Variants in CSMD1 observed in about 807,000 individuals in gnomAD.
CSMD1 encodes the protein CUB and Sushi multiple domains 1, also known as CUB and sushi domain-containing protein 1.
In CSMD1, 213 loss-of-function variants were observed where a neutral mutation model predicts 417.5. That is an observed-to-expected ratio of 0.51 (90% CI 0.46 to 0.57). The LOEUF (loss-of-function observed/expected upper bound fraction) is 0.57, where lower values mean the gene tolerates loss of function less well. CSMD1 is among the 20% of genes least tolerant of loss of function. The pLI, the probability that CSMD1 is intolerant of heterozygous loss-of-function variation, is 0.00. For missense variants in CSMD1, 6,923 were observed against 4,529.7 expected (o/e 1.53, Z -15.17); for synonymous variants, 2,862 against 1,736.8 (o/e 1.65, Z -16.11).
intron 2 of CSMD1, among the ~76,000 whole-genome samples, chr8:4,518,205 A>G (rs1233858665): frequency 1.3e-5 from 2 of 152,168 alleles, no homozygotes; most frequent in African/African-American, 4.8e-5. Flanking sequence ...GGCTGACTCA[A>G]TGCCTCATGT....
At chr8:4,372,844 T>G (rs1584973912) in intron 3 of CSMD1, among the ~76,000 whole-genome samples, 1 of 152,158 alleles carries the variant, frequency 6.6e-6, no homozygotes, top group Non-Finnish European at 1.5e-5. Context: ...CAATTTCCAG[T>G]GCAGAAGACT....
At chr8:3,072,574 G>C (rs62488386) in intron 49 of CSMD1, among the ~76,000 whole-genome samples, 7 of 152,196 alleles carry the variant, frequency 4.6e-5, no homozygotes, top group Non-Finnish European at 7.3e-5. Flanking sequence ...GTGCATGTGT[G>C]CCTGGGTTTC....
intron 5 of CSMD1, among the ~76,000 whole-genome samples, chr8:3,824,352 T>TA (rs1801926365): frequency 6.6e-6 from 1 of 151,954 alleles, no homozygotes; most frequent in Non-Finnish European, 1.5e-5. Flanking sequence ...ATGTGCAAAG[T>TA]TTGTCAAATG....
chr8:4,117,926 T>C (rs1253180134), intron 3 of CSMD1, among the ~76,000 whole-genome samples: 7 of 131,246 alleles, frequency 5.3e-5, no homozygotes, highest in Admixed American at 8.3e-5. Context: ...GAAATTTTCC[T>C]GGAAAAGTCA....
intron 1 of CSMD1, among the ~76,000 whole-genome samples, chr8:4,753,624 C>G (rs532586072): frequency 6.6e-6 from 1 of 152,222 alleles, no homozygotes; most frequent in Non-Finnish European, 1.5e-5. Context: ...AGGCGTCTCA[C>G]TGTTCCGCAG....
intron 1 of CSMD1, among the ~76,000 whole-genome samples, chr8:4,984,940 T>C (rs576915853): frequency 3.2e-4 from 48 of 152,270 alleles, no homozygotes; most frequent in African/African-American, 1.1e-3. Flanking sequence ...GGAAGACCAC[T>C]GGCAAAGTCA....
At chr8:4,540,461 G>C (rs973519748) in intron 2 of CSMD1, among the ~76,000 whole-genome samples, 1 of 152,144 alleles carries the variant, frequency 6.6e-6, no homozygotes, top group Admixed American at 6.5e-5. Context: ...CCAGGACTTA[G>C]GGGAGGCTGA....
intron 33 of CSMD1, among the ~76,000 whole-genome samples, chr8:3,198,087 T>G (rs1307157503): frequency 6.6e-6 from 1 of 152,228 alleles, no homozygotes; most frequent in Non-Finnish European, 1.5e-5. Context: ...TACTTTTCCG[T>G]ATCTTTGACA....
chr8:3,552,590 G>C (rs950796774), intron 10 of CSMD1, among the ~76,000 whole-genome samples: 3 of 152,090 alleles, frequency 2.0e-5, no homozygotes, highest in African/African-American at 4.8e-5. Context: ...GCAAATATAA[G>C]GTATTTTAAG....
At chr8:3,276,456 G>A (rs112567692) in intron 26 of CSMD1, among the ~76,000 whole-genome samples, 10,772 of 152,280 alleles carry the variant, frequency 0.071, 465 homozygotes, top group Middle Eastern at 0.092. Flanking sequence ...TGGCAGAGAA[G>A]AGAGAGCTTG....
At chr8:4,915,571 G>C (rs1351761744) in intron 1 of CSMD1, among the ~76,000 whole-genome samples, 1 of 152,200 alleles carries the variant, frequency 6.6e-6, no homozygotes, top group Non-Finnish European at 1.5e-5. Context: ...CTGCAGTAGA[G>C]GGCAGGAGCA....
At chr8:3,726,331 T>A (rs925187708) in intron 6 of CSMD1, among the ~76,000 whole-genome samples, 2 of 152,200 alleles carry the variant, frequency 1.3e-5, no homozygotes, top group South Asian at 4.1e-4. Flanking sequence ...AGGCCAATAA[T>A]AATTCCGGTA....
At chr8:3,421,344 G>T (rs896591363) in intron 12 of CSMD1, among the ~76,000 whole-genome samples, 1 of 152,166 alleles carries the variant, frequency 6.6e-6, no homozygotes, top group African/African-American at 2.4e-5. Flanking sequence ...CCACATTCCT[G>T]AGGGAGCCAC....
intron 3 of CSMD1, among the ~76,000 whole-genome samples, chr8:4,124,943 C>T (rs1202703490): frequency 6.6e-6 from 1 of 152,128 alleles, no homozygotes. Context: ...GCAACTCTTC[C>T]GGGTCCCCTT....
At chr8:3,576,862 ACT>A (rs1024414080) in intron 9 of CSMD1, among the ~76,000 whole-genome samples, 5 of 152,308 alleles carry the variant, frequency 3.3e-5, no homozygotes, top group East Asian at 1.9e-4. Context: ...GTGATAATAA[ACT>A]CTGAGTTGTA....
chr8:3,638,585 G>C (rs780432476), intron 7 of CSMD1, among the ~76,000 whole-genome samples: 1 of 152,180 alleles, frequency 6.6e-6, no homozygotes, highest in African/African-American at 2.4e-5. Context: ...GTGCAATCTG[G>C]AAAGGGTCAG....
At chr8:3,913,998 C>A (rs1808634691) in intron 5 of CSMD1, among the ~76,000 whole-genome samples, 1 of 152,024 alleles carries the variant, frequency 6.6e-6, no homozygotes, top group Admixed American at 6.6e-5. Context: ...TTTTGTAATA[C>A]TTTGTTATTC....
chr8:3,494,488 G>A lies in CSMD1; in HGVS notation c.1345-762C>T, dbSNP rs112030581. ...GAAGATAAATACATGATGATAATTA[G>A]AGGAATGATAGATAGATGATAGATT... On this transcript the variant is annotated intron_variant, in intron 10 of 69. Coordinates refer to ENST00000635120, the MANE Select transcript of CSMD1 (RefSeq NM_033225.6). 1.2e-4 allele frequency among the ~76,000 whole-genome samples: 18 copies of A among 152,190 alleles called. 1 individual carries two copies. Among genetic ancestry groups the A allele is most frequent in the African/African-American group, 3.4e-4 (14 of 41,540 alleles).
At chr8:4,175,722 G>C (rs977113621) in intron 3 of CSMD1, among the ~76,000 whole-genome samples, 4 of 152,220 alleles carry the variant, frequency 2.6e-5, no homozygotes, top group Admixed American at 6.5e-5. Flanking sequence ...TTGTCCAAGA[G>C]AATGTTGCCT....
Sources: allele counts gnomAD v4.1 joint callset (sites outside exome capture counted in the v4.1 genomes callset), GRCh38; gene constraint gnomAD v4.1.1; transcripts MANE v1.5; gene names NCBI Gene and HGNC (gene_info 2026-07-23, HGNC 2026-07-21).